The following PKD1L1 variants were observed in gnomAD, a reference collection of about 807,000 sequenced individuals.
The protein encoded by PKD1L1 is polycystin-1-like protein 1.
PKD1L1 carries 236 observed loss-of-function variants against 323.4 expected under a neutral mutation model. That is an observed-to-expected ratio of 0.73 (90% confidence interval 0.66 to 0.81). The LOEUF (loss-of-function observed/expected upper bound fraction) is 0.81. Ranked by LOEUF, PKD1L1 falls within the 40% of genes least tolerant of loss-of-function variation. The pLI is 0.00. For missense variants in PKD1L1, 3,320 were observed against 3,508.0 expected, an observed-to-expected ratio of 0.95 and a Z score of 1.35; for synonymous variants, 1,344 against 1,335.0, an observed-to-expected ratio of 1.01 and a Z score of -0.15.
At chr7:47,902,035 A>T (rs1361335051) in intron 13 of PKD1L1, among the ~76,000 whole-genome samples, 1 of 147,994 alleles carries the variant, frequency 6.8e-6, no homozygotes, top group Non-Finnish European at 1.5e-5. Context: ...AAAGGAAAGG[A>T]AAAGAAAAGA....
At position 47,821,197 on chromosome 7, in the gene PKD1L1, AG is replaced by A. The variant is rs765770541; in HGVS notation, c.6855-12del. On this transcript the variant is annotated splice_polypyrimidine_tract_variant and intron_variant, in intron 45 of 56. Coordinates refer to ENST00000289672, the MANE Select transcript of PKD1L1 (RefSeq NM_138295.5). ...TCCATGGAAATGTCTCTGTAAGAAGAGTTTTTAAGTTAGCATCCATACAGAC... is the reference window on the plus strand; with the variant it reads ...TCCATGGAAATGTCTCTGTAAGAAGATTTTTAAGTTAGCATCCATACAGAC... 1.9e-6 allele frequency: 3 copies of A among 1,559,266 alleles called. No homozygotes were observed. The highest frequency in any genetic ancestry group is 1.8e-6 in the Non-Finnish European group (2 of 1,131,054).
intron 56 of PKD1L1, among the ~76,000 whole-genome samples, chr7:47,790,598 T>A (rs998999302): frequency 2.0e-5 from 3 of 152,158 alleles, no homozygotes; most frequent in Non-Finnish European, 4.4e-5. Flanking sequence ...CCCAAAGTGC[T>A]GGGATTACAG....
chr7:47,800,486 C>T lies in PKD1L1; in HGVS notation c.8193+163G>A, dbSNP rs3734933. ...GGAGAGTCAAACCAACTGTGTTTGA[C>T]GGACCTGACCTCCCAGGGCAGGTGA... On this transcript the variant is annotated intron_variant, in intron 54 of 56. Coordinates refer to ENST00000289672, the MANE Select transcript of PKD1L1 (RefSeq NM_138295.5). 0.056 allele frequency among the ~76,000 whole-genome samples: 8,595 copies of T among 152,222 alleles called. 377 individuals carry two copies. The highest frequency in any genetic ancestry group is 0.2 in the East Asian group (1,026 of 5,178).
chr7:47,871,528 G>T (rs1786279916), intron 24 of PKD1L1, among the ~76,000 whole-genome samples: 1 of 152,146 alleles, frequency 6.6e-6, no homozygotes, highest in Non-Finnish European at 1.5e-5. Context: ...TTTCATTTAT[G>T]AGAGCAGAAC....
In PKD1L1 at chr7:47,808,081, G is replaced by A. The variant is rs1074780; in HGVS notation, c.7827+166C>T. 0.72 allele frequency among the ~76,000 whole-genome samples: 109,439 copies of A among 151,996 alleles called. 39,490 individuals are homozygous for A. The highest frequency in any genetic ancestry group is 0.73 in the Non-Finnish European group (49,964 of 67,988). On this transcript the variant is annotated intron_variant, in intron 52 of 56. Coordinates refer to ENST00000289672, the MANE Select transcript of PKD1L1 (RefSeq NM_138295.5). ...TTCAAAGCATGTCTCAAGCTCTTCA[G>A]GCCCTTCACTGTCCTGGCCACTCCC...
At chr7:47,854,702 C>T (rs1242111853) in intron 30 of PKD1L1, among the ~76,000 whole-genome samples, 180 bp downstream of exon 30, 1 of 152,154 alleles carries the variant, frequency 6.6e-6, no homozygotes. Flanking sequence ...AATTCAAACT[C>T]AAAAACCAAA....
At chr7:47,879,493 C>T (rs62447073) in intron 21 of PKD1L1, among the ~76,000 whole-genome samples, 54,049 of 150,650 alleles carry the variant, frequency 0.36, 10,970 homozygotes, top group African/African-American at 0.56. Context: ...ATTAGCCGGG[C>T]GTGGTGGCAG....
In PKD1L1 at chr7:47,800,816, C is replaced by A. The variant is rs1290564934; in HGVS notation, c.8026G>T (p.Val2676Phe). 6.2e-7 allele frequency: 1 copy of A among 1,614,040 alleles called. No individual in the cohort carries two copies. Among genetic ancestry groups the A allele is most frequent in the Admixed American group, 1.7e-5 (1 of 60,008 alleles). ...TCTGTGAAGGTGCCAGGTGGTAGAA[C>A]CCACATAGAGAGCAGAAATCGGTGC... is the stretch of plus-strand genomic sequence containing the variant. Reference protein sequence around the residue: ...HLHRFLLSMWVLPPGTFTDAF... With the variant: ...HLHRFLLSMWFLPPGTFTDAF... The change falls in exon 54 of 57, where the codon GTT becomes TTT. Residue 2676 changes from valine (V) to phenylalanine (F), a missense_variant. Physicochemically the swap from Val to Phe is conservative, Grantham distance 50. Coordinates refer to ENST00000289672, the MANE Select transcript of PKD1L1 (RefSeq NM_138295.5).
At chr7:47,871,091 T>C (rs1337978414) in intron 24 of PKD1L1, among the ~76,000 whole-genome samples, 1 of 147,962 alleles carries the variant, frequency 6.8e-6, no homozygotes, top group Non-Finnish European at 1.5e-5. Context: ...TACAGGCCAA[T>C]ACCTCTTATG....
At chr7:47,887,126 T>C (rs1304421604) in intron 17 of PKD1L1, among the ~76,000 whole-genome samples, 1 of 152,214 alleles carries the variant, frequency 6.6e-6, no homozygotes, top group Non-Finnish European at 1.5e-5. Flanking sequence ...CTAAAAGAAT[T>C]TGGAATGCCT....
At chr7:47,837,636 G>A (rs1017683414) in intron 36 of PKD1L1, among the ~76,000 whole-genome samples, 4 of 152,096 alleles carry the variant, frequency 2.6e-5, no homozygotes, top group African/African-American at 9.7e-5. Context: ...TGGCAACATA[G>A]TTAATTTCAA....
chr7:47,957,367 G>C, the PKD1L1 span: 3 of 152,182 alleles, frequency 2.0e-5, no homozygotes, highest in African/African-American at 7.2e-5. Context: ...CATCTAAATC[G>C]GAAAGGAGGA....
intron 41 of PKD1L1, 121 bp from the exon 42 acceptor site, chr7:47,831,473 G>T: frequency 1.5e-6 from 2 of 1,305,940 alleles, no homozygotes; most frequent in Non-Finnish European, 2.1e-6. Flanking sequence ...CCAGGCATTT[G>T]GTTAAATGTG....
At chr7:47,790,749 TTTTTTA>T (rs1007443612) in intron 56 of PKD1L1, among the ~76,000 whole-genome samples, 6 of 147,948 alleles carry the variant, frequency 4.1e-5, no homozygotes, top group Non-Finnish European at 7.4e-5. Context: ...GTGTGTTTTA[TTTTTTA>T]TTTTTATTTT....
chr7:47,947,885 A>G (rs6964188), intron 1 of PKD1L1, among the ~76,000 whole-genome samples: 7,359 of 152,124 alleles, frequency 0.048, 575 homozygotes, highest in African/African-American at 0.17. Flanking sequence ...GATAAATGGC[A>G]TGAACCCAGG....
At chr7:47,870,910 C>T (rs1786267341) in intron 24 of PKD1L1, among the ~76,000 whole-genome samples, 1 of 144,142 alleles carries the variant, frequency 6.9e-6, no homozygotes, top group South Asian at 2.2e-4. Flanking sequence ...GAGGTCAAGG[C>T]TGCAGTGAGC....
intron 56 of PKD1L1, among the ~76,000 whole-genome samples, chr7:47,788,581 T>A (rs34865233): frequency 0.051 from 4,597 of 89,604 alleles, 102 homozygotes; most frequent in East Asian, 0.12. Flanking sequence ...ATATATATTT[T>A]TTTTTTTTAA....
At chr7:47,949,046 A>T (rs981342822), upstream of PKD1L1, among the ~76,000 whole-genome samples, 2 of 152,170 alleles carry the variant, frequency 1.3e-5, no homozygotes, top group African/African-American at 4.8e-5. Context: ...GAGACTGTAC[A>T]TGGAAGCTGA....
Position 47,869,503 on chromosome 7 carries a change from G to C in PKD1L1, c.3897-2889C>G, listed in dbSNP as rs77477124. On this transcript the variant is annotated intron_variant, in intron 24 of 56. Transcript: ENST00000289672. ...AAAAGAAATTAGACAAAAACAGATA[G>C]TTGCAATAAAGAGGGACATTTCCTA... is the stretch of plus-strand genomic sequence containing the variant. Among the ~76,000 whole-genome samples the C allele has an allele frequency of 3.1e-4, 47 of 152,224 alleles. No individual in the cohort carries two copies. The East Asian group carries it at 8.3e-3, about 27-fold the overall frequency.
Sources: allele counts gnomAD v4.1 joint callset (sites outside exome capture counted in the v4.1 genomes callset), GRCh38; gene constraint gnomAD v4.1.1; transcripts MANE v1.5; gene names NCBI Gene and HGNC (gene_info 2026-07-23, HGNC 2026-07-21).